The following UBE2R2 variants were observed in gnomAD, a reference collection of about 807,000 sequenced individuals.
UBE2R2 encodes the protein ubiquitin conjugating enzyme E2 R2, also known as ubiquitin-conjugating enzyme E2 R2.
Under a neutral mutation model 27.8 loss-of-function variants are expected in UBE2R2, and 1 was observed. The observed-to-expected ratio is 0.04, with a 90% CI of 0.01 to 0.17. The LOEUF (loss-of-function observed/expected upper bound fraction) is 0.17. Ranked by LOEUF, UBE2R2 falls within the 10% of genes least tolerant of loss-of-function variation. The pLI, the probability that UBE2R2 is intolerant of heterozygous loss-of-function variation, is 1.00. For missense variants in UBE2R2, 100 were observed against 291.0 expected, an observed-to-expected ratio of 0.34 and a Z score of 4.78; for synonymous variants, 106 against 113.3, an observed-to-expected ratio of 0.94 and a Z score of 0.41.
intron 1 of UBE2R2, among the ~76,000 whole-genome samples, chr9:33,861,847 CTTTTTTTTTTTTTT>C (rs775634986): frequency 2.1e-5 from 2 of 95,454 alleles, no homozygotes; most frequent in South Asian, 6.9e-4. Context: ...GATCCACTTT[CTTTTTTTTTTTTTT>C]TTTTTTTTTT....
intron 2 of UBE2R2, among the ~76,000 whole-genome samples, chr9:33,899,745 C>T (rs1334973654): frequency 2.0e-5 from 3 of 151,850 alleles, no homozygotes; most frequent in Non-Finnish European, 2.9e-5. Flanking sequence ...GTGGTCCACC[C>T]GCCTTGGCCT....
chr9:33,836,059 TTCGGGAGGG>T (rs1201342132), intron 1 of UBE2R2, among the ~76,000 whole-genome samples: 1 of 152,328 alleles, frequency 6.6e-6, no homozygotes, highest in Non-Finnish European at 1.5e-5. Context: ...TCCCAGCACT[TTCGGGAGGG>T]CGAGGCAGAT....
chr9:33,829,626 T>C (rs1820400597), intron 1 of UBE2R2, among the ~76,000 whole-genome samples: 1 of 152,106 alleles, frequency 6.6e-6, no homozygotes, highest in Admixed American at 6.6e-5. Flanking sequence ...CTCAATACAA[T>C]ATTGGTTTAT....
chr9:33,859,888 C>T (rs1342018112), intron 1 of UBE2R2, among the ~76,000 whole-genome samples: 2 of 151,460 alleles, frequency 1.3e-5, no homozygotes, highest in African/African-American at 4.8e-5. Context: ...CTCACTACAG[C>T]TTCAACCTCC....
chr9:33,868,507 A>G (rs1821412843), intron 1 of UBE2R2: 1 of 152,066 alleles, frequency 6.6e-6, no homozygotes, highest in Non-Finnish European at 1.5e-5. Flanking sequence ...GACTTTTGAC[A>G]CTTTGAGCAA....
At chr9:33,876,300 G>T (rs1218881494) in intron 1 of UBE2R2, among the ~76,000 whole-genome samples, 2 of 152,166 alleles carry the variant, frequency 1.3e-5, no homozygotes, top group Admixed American at 1.3e-4. Flanking sequence ...AGGTTGCAGT[G>T]AGCCAAGATT....
At chr9:33,897,068 G>A (rs1264546414) in intron 2 of UBE2R2, among the ~76,000 whole-genome samples, 80 of 102,594 alleles carry the variant, frequency 7.8e-4, no homozygotes, top group African/African-American at 2.8e-3. Flanking sequence ...ACGGAGTCTC[G>A]CTCTGTTGCC....
chr9:33,877,688 C>T (rs1012244670), intron 1 of UBE2R2, among the ~76,000 whole-genome samples: 27 of 151,888 alleles, frequency 1.8e-4, no homozygotes, highest in African/African-American at 6.5e-4. Context: ...TTAATCTTTC[C>T]AGTTGTCTTA....
At chr9:33,901,086 GCTGTGA>G (rs1245581437) in intron 3 of UBE2R2, among the ~76,000 whole-genome samples, 2 of 152,112 alleles carry the variant, frequency 1.3e-5, no homozygotes, top group Non-Finnish European at 2.9e-5. Context: ...CTCCCAAGTA[GCTGTGA>G]CTATAGGTGT....
At chr9:33,827,901 G>A (rs1214893499) in intron 1 of UBE2R2, among the ~76,000 whole-genome samples, 2 of 151,700 alleles carry the variant, frequency 1.3e-5, no homozygotes, top group Non-Finnish European at 2.9e-5. Flanking sequence ...AACCCGGGAG[G>A]CGGAGGTTGC....
chr9:33,841,617 A>G (rs1444465257), intron 1 of UBE2R2, among the ~76,000 whole-genome samples: 1 of 152,044 alleles, frequency 6.6e-6, no homozygotes, highest in Non-Finnish European at 1.5e-5. Context: ...GTGAGTTGTC[A>G]TTGTTTCTAG....
At chr9:33,846,133 A>AT (rs1190663372) in intron 1 of UBE2R2, among the ~76,000 whole-genome samples, 1 of 151,086 alleles carries the variant, frequency 6.6e-6, no homozygotes, top group Non-Finnish European at 1.5e-5. Flanking sequence ...CAAAAAAAAA[A>AT]AAAAATACAA....
intron 1 of UBE2R2, among the ~76,000 whole-genome samples, chr9:33,851,191 C>T (rs893887633): frequency 6.6e-6 from 1 of 151,960 alleles, no homozygotes; most frequent in African/African-American, 2.4e-5. Flanking sequence ...TTTTAAACAA[C>T]CACAAACTTA....
At chr9:33,890,934 A>G (rs7038553) in intron 2 of UBE2R2, among the ~76,000 whole-genome samples, 61,735 of 151,930 alleles carry the variant, frequency 0.41, 12,904 homozygotes, top group African/African-American at 0.48. Flanking sequence ...GTATGGAAAT[A>G]GTATCAGAAT....
chr9:33,874,756 G>A (rs576253518), intron 1 of UBE2R2, among the ~76,000 whole-genome samples: 28 of 152,128 alleles, frequency 1.8e-4, no homozygotes, highest in African/African-American at 6.5e-4. Flanking sequence ...ACTGCAGCCT[G>A]GGTTCAAGCA....
At chr9:33,909,684 GC>G (rs2130819073) in intron 3 of UBE2R2, among the ~76,000 whole-genome samples, 1 of 152,188 alleles carries the variant, frequency 6.6e-6, no homozygotes, top group African/African-American at 2.4e-5. Flanking sequence ...CTCCCAAAGT[GC>G]TGGCATTACA....
At chr9:33,819,487 G>T (rs931859600) in intron 1 of UBE2R2, among the ~76,000 whole-genome samples, 4 of 152,128 alleles carry the variant, frequency 2.6e-5, no homozygotes, top group Admixed American at 1.3e-4. Context: ...TCAGATGGAG[G>T]TATTTAAAAT....
At chr9:33,830,236 C>T (rs1227330580) in intron 1 of UBE2R2, among the ~76,000 whole-genome samples, 1 of 149,352 alleles carries the variant, frequency 6.7e-6, no homozygotes, top group Non-Finnish European at 1.5e-5. Flanking sequence ...CAGCTCACTG[C>T]ACCTTCCACC....
intron 1 of UBE2R2, among the ~76,000 whole-genome samples, chr9:33,867,225 G>C (rs774918575): frequency 6.6e-6 from 1 of 151,904 alleles, no homozygotes; most frequent in African/African-American, 2.4e-5. Context: ...TTTGTGTCAG[G>C]CTTCTTTGTC....
Sources: allele counts gnomAD v4.1 joint callset (sites outside exome capture counted in the v4.1 genomes callset), GRCh38; gene constraint gnomAD v4.1.1; transcripts MANE v1.5; gene names NCBI Gene and HGNC (gene_info 2026-07-23, HGNC 2026-07-21).